Variants in TIAM1 observed in about 807,000 individuals in gnomAD.
TIAM1 encodes the protein TIAM Rac1 associated GEF 1.
TIAM1 carries 65 observed loss-of-function variants against 163.5 expected under a neutral mutation model. That is an observed-to-expected ratio of 0.40 (90% CI 0.33 to 0.49). TIAM1 has a LOEUF of 0.49. Ranked by LOEUF, TIAM1 falls within the 20% of genes least tolerant of loss-of-function variation. The pLI, the probability that TIAM1 is intolerant of heterozygous loss-of-function variation, is 0.77. For synonymous variants in TIAM1, 833 were observed against 810.1 expected (o/e 1.03, Z -0.48); for missense variants, 1,789 against 2,044.7 (o/e 0.87, Z 2.41).
intron 1 of TIAM1, among the ~76,000 whole-genome samples, chr21:31,525,269 T>C (rs773446735): frequency 4.6e-5 from 7 of 150,944 alleles, no homozygotes; most frequent in African/African-American, 7.3e-5. Context: ...CTTCGGAGGC[T>C]GAGGCAGGAG....
At chr21:31,505,213 C>T (rs1294874077) in intron 1 of TIAM1, among the ~76,000 whole-genome samples, 1 of 152,140 alleles carries the variant, frequency 6.6e-6, no homozygotes, top group Non-Finnish European at 1.5e-5. Flanking sequence ...TCCTCACCTA[C>T]AAGATAGAGA....
At chr21:31,315,564 A>C (rs890817647) in intron 2 of TIAM1, among the ~76,000 whole-genome samples, 2 of 151,018 alleles carry the variant, frequency 1.3e-5, no homozygotes, top group Non-Finnish European at 2.9e-5. Flanking sequence ...AATCCCAACT[A>C]CTTGGGAGAC....
chr21:31,471,264 A>G (rs1298693219), intron 1 of TIAM1, among the ~76,000 whole-genome samples: 3 of 152,160 alleles, frequency 2.0e-5, no homozygotes, highest in Non-Finnish European at 4.4e-5. Context: ...GCCCTTCCGG[A>G]GCCCAGATCC....
intron 2 of TIAM1, among the ~76,000 whole-genome samples, chr21:31,291,175 A>G (rs1465314055): frequency 1.3e-5 from 2 of 152,230 alleles, no homozygotes; most frequent in African/African-American, 4.8e-5. Context: ...TGCATTTCTC[A>G]GTGTGGGTGA....
At chr21:31,207,241 C>T (rs2086496503) in intron 11 of TIAM1, among the ~76,000 whole-genome samples, 1 of 152,152 alleles carries the variant, frequency 6.6e-6, no homozygotes, top group African/African-American at 2.4e-5. Flanking sequence ...ACATCTGTGA[C>T]ATGAATTGTA....
At chr21:31,549,828 A>G (rs2048622581) in intron 1 of TIAM1, among the ~76,000 whole-genome samples, 2 of 152,210 alleles carry the variant, frequency 1.3e-5, no homozygotes, top group Non-Finnish European at 1.5e-5. Context: ...ATCCAAAAGA[A>G]TATTTTTTTA....
Position 31,420,560 on chromosome 21 carries a change from C to T in TIAM1, c.-369+43423G>A, listed in dbSNP as rs190308079. The stretch of plus-strand genomic sequence containing the variant: ...ATCAGATTGTCCAAAATGATGCAAC[C>T]ATTTAGAATTCATTGAATTGACCAC... On this transcript the variant is annotated intron_variant, in intron 2 of 28. Coordinates refer to the TIAM1 transcript ENST00000286827. 6.5e-4 allele frequency among the ~76,000 whole-genome samples: 99 copies of T among 152,292 alleles called. No homozygotes were observed. The Middle Eastern group carries it at 0.01, about 16-fold the overall frequency.
In TIAM1 at chr21:31,509,179, G is replaced by C. The variant is rs151234737; in HGVS notation, c.-421-45144C>G. ...GGCACCCTGCACAACGGTTCTTCAG[G>C]ACTACCCGACAAACCCTACCTGCTG... On this transcript the variant is annotated intron_variant, in intron 1 of 28. Coordinates refer to the TIAM1 transcript ENST00000286827. Among the ~76,000 whole-genome samples, 185 of 152,194 alleles carry C rather than the reference G, an allele frequency of 1.2e-3. 1 individual carries two copies. Among genetic ancestry groups the C allele is most frequent in the African/African-American group, 4.3e-3 (179 of 41,514 alleles).
intron 4 of TIAM1, among the ~76,000 whole-genome samples, chr21:31,252,584 T>C (rs1356877996): frequency 6.6e-6 from 1 of 152,168 alleles, no homozygotes; most frequent in African/African-American, 2.4e-5. Context: ...CTCCAGGAAA[T>C]TCTGCAGGCA....
intron 16 of TIAM1, among the ~76,000 whole-genome samples, chr21:31,159,098 C>T (rs2083771505): frequency 6.6e-6 from 1 of 152,112 alleles, no homozygotes; most frequent in African/African-American, 2.4e-5. Flanking sequence ...AAAAACCTCT[C>T]CCCTACTTGA....
At chr21:31,295,253 G>A (rs992499245) in intron 2 of TIAM1, among the ~76,000 whole-genome samples, 3 of 152,140 alleles carry the variant, frequency 2.0e-5, no homozygotes, top group Admixed American at 1.3e-4. Context: ...GGCGGATCAT[G>A]AAGTCAGGAA....
At chr21:31,520,743 C>A (rs546565130) in intron 1 of TIAM1, among the ~76,000 whole-genome samples, 11 of 152,286 alleles carry the variant, frequency 7.2e-5, no homozygotes, top group African/African-American at 2.6e-4. Context: ...CCCAGCCGTG[C>A]GATTGGAGAT....
chr21:31,432,826 G>A (rs1314235790), intron 2 of TIAM1, among the ~76,000 whole-genome samples: 2 of 152,160 alleles, frequency 1.3e-5, no homozygotes, highest in South Asian at 2.1e-4. Context: ...CTGAAGTGCC[G>A]TATCACAAAG....
intron 2 of TIAM1, among the ~76,000 whole-genome samples, chr21:31,445,911 T>G (rs1310255240): frequency 6.6e-6 from 1 of 152,114 alleles, no homozygotes; most frequent in Admixed American, 6.6e-5. Context: ...TTTGGTTTTT[T>G]GAGGACTATG....
Position 31,313,834 on chromosome 21 carries a change from C to A in TIAM1, c.-189+25409G>T, listed in dbSNP as rs1319916316. On this transcript the variant is annotated intron_variant, in intron 2 of 27. Transcript: ENST00000541036. ...TCAAGTAATCTGTCCGCCTCGGCCT[C>A]CCAAAGTGCTGGGATTACAGGCATG... is the stretch of plus-strand genomic sequence containing the variant. 3.3e-5 allele frequency among the ~76,000 whole-genome samples: 5 copies of A among 152,324 alleles called. No individual in the cohort carries two copies. In the East Asian group the frequency reaches 9.6e-4, roughly 29 times the overall value.
intron 2 of TIAM1, among the ~76,000 whole-genome samples, chr21:31,377,558 T>G (rs975976360): frequency 3.9e-5 from 6 of 152,198 alleles, no homozygotes; most frequent in African/African-American, 1.2e-4. Context: ...ACATCACGCC[T>G]CTGACAGACA....
chr21:31,545,886 T>G (rs2048469638), intron 1 of TIAM1, among the ~76,000 whole-genome samples: 1 of 152,144 alleles, frequency 6.6e-6, no homozygotes, highest in Non-Finnish European at 1.5e-5. Context: ...AAATATGACT[T>G]TGGGGGGCTT....
At chr21:31,196,203 C>T (rs1483689767) in intron 12 of TIAM1, among the ~76,000 whole-genome samples, 1 of 152,022 alleles carries the variant, frequency 6.6e-6, no homozygotes, top group Non-Finnish European at 1.5e-5. Flanking sequence ...TAAACCAAAA[C>T]CACAATGAGA....
intron 14 of TIAM1, among the ~76,000 whole-genome samples, chr21:31,185,765 A>G (rs1266673563): frequency 1.3e-5 from 2 of 151,328 alleles, no homozygotes; most frequent in East Asian, 1.9e-4. Context: ...CCTAAATCCA[A>G]TGACTGGTGT....
Sources: allele counts gnomAD v4.1 joint callset (sites outside exome capture counted in the v4.1 genomes callset), GRCh38; gene constraint gnomAD v4.1.1; transcripts MANE v1.5; gene names NCBI Gene and HGNC (gene_info 2026-07-23, HGNC 2026-07-21).